KCNG2: variants seen among roughly 807,000 people sequenced by gnomAD.
KCNG2 encodes the protein voltage-gated potassium channel regulatory subunit KCNG2.
Under a neutral mutation model 12.3 loss-of-function variants are expected in KCNG2, and 7 were observed. That is an observed-to-expected ratio of 0.57 (90% CI 0.32 to 1.07). The LOEUF is 1.07. Among genes scored for constraint, KCNG2 ranks in the 50% least tolerant of loss-of-function variants. The pLI is 0.04. For missense variants in KCNG2, 703 were observed against 726.0 expected, an observed-to-expected ratio of 0.97 and a Z score of 0.36; for synonymous variants, 414 against 351.4, an observed-to-expected ratio of 1.18 and a Z score of -1.99.
At chr18:79,847,624 C>A (rs1305580918) in intron 1 of KCNG2, among the ~76,000 whole-genome samples, 3 of 152,224 alleles carry the variant, frequency 2.0e-5, no homozygotes, top group Non-Finnish European at 4.4e-5. Flanking sequence ...CTAATTTTAA[C>A]TCAGAATGGT....
chr18:79,886,996 C>T (rs1247699928), intron 3 of KCNG2, among the ~76,000 whole-genome samples: 1 of 51,790 alleles, frequency 1.9e-5, no homozygotes, highest in African/African-American at 5.6e-5. Context: ...AACATAGGGA[C>T]GTGGGGACAG....
intron 1 of KCNG2, among the ~76,000 whole-genome samples, chr18:79,818,132 G>A (rs2087543813): frequency 6.6e-6 from 1 of 152,234 alleles, no homozygotes; most frequent in Admixed American, 6.5e-5. Flanking sequence ...ACAGAGGGTG[G>A]GTGTGGTGCC....
At chr18:79,888,294 A>G (rs1980606459) in intron 3 of KCNG2, among the ~76,000 whole-genome samples, 1 of 152,162 alleles carries the variant, frequency 6.6e-6, no homozygotes, top group Non-Finnish European at 1.5e-5. Context: ...AACAGGCTGC[A>G]GACTCCTGAG....
chr18:79,833,600 G>A (rs1434693709), intron 1 of KCNG2, among the ~76,000 whole-genome samples: 1 of 152,234 alleles, frequency 6.6e-6, no homozygotes, highest in Non-Finnish European at 1.5e-5. Context: ...ATAGAACAAA[G>A]CCCAAATCTC....
chr18:79,833,774 T>C (rs1789058931), intron 1 of KCNG2, among the ~76,000 whole-genome samples: 1 of 152,214 alleles, frequency 6.6e-6, no homozygotes, highest in Non-Finnish European at 1.5e-5. Context: ...GCTGCTGTGA[T>C]GGGAAGTGTT....
intron 1 of KCNG2, among the ~76,000 whole-genome samples, chr18:79,855,932 T>A (rs530310161): frequency 1.3e-5 from 2 of 152,296 alleles, no homozygotes; most frequent in South Asian, 4.1e-4. Context: ...GATGTGAACT[T>A]TATGTCAGTT....
intron 3 of KCNG2, among the ~76,000 whole-genome samples, chr18:79,876,608 G>A (rs931649525): frequency 2.0e-5 from 3 of 152,222 alleles, no homozygotes; most frequent in Non-Finnish European, 4.4e-5. Context: ...TGCCCTCTGC[G>A]AGCAGCTTGC....
chr18:79,821,826 A>G (rs572003955), intron 1 of KCNG2, among the ~76,000 whole-genome samples: 2 of 152,360 alleles, frequency 1.3e-5, no homozygotes, highest in South Asian at 4.1e-4. Context: ...CTTGATCGCC[A>G]TAGCTTGGCA....
At chr18:79,839,504 C>T (rs945106206) in intron 1 of KCNG2, among the ~76,000 whole-genome samples, 1 of 152,176 alleles carries the variant, frequency 6.6e-6, no homozygotes, top group African/African-American at 2.4e-5. Flanking sequence ...ATACACACTA[C>T]CACAATTCAC....
chr18:79,846,942 A>G (rs1480311624), intron 1 of KCNG2, among the ~76,000 whole-genome samples: 1 of 150,312 alleles, frequency 6.7e-6, no homozygotes, highest in East Asian at 2.0e-4. Context: ...CAAGGGTCTC[A>G]TTTCCTGCAA....
At chr18:79,870,475 C>G (rs1373305943) in intron 3 of KCNG2, among the ~76,000 whole-genome samples, 1 of 152,006 alleles carries the variant, frequency 6.6e-6, no homozygotes, top group East Asian at 1.9e-4. Context: ...TTTCCGTGCC[C>G]CCAGAGCTGC....
At chr18:79,801,206 T>C (rs2087407233) in intron 1 of KCNG2, among the ~76,000 whole-genome samples, 1 of 152,236 alleles carries the variant, frequency 6.6e-6, no homozygotes, top group Non-Finnish European at 1.5e-5. Context: ...AGTATTTTAA[T>C]TTGATTATGA....
At position 79,899,535 on chromosome 18, in the gene KCNG2, G is replaced by A. The variant is rs906054396; in HGVS notation, c.1120G>A (p.Asp374Asn). Reference sequence around the variant, plus strand: ...CTCCATGACCACCGTGGGCTACGGCGACATGGTCCCGCGCAGCCTGCCCGG... The same window carrying A: ...CTCCATGACCACCGTGGGCTACGGCAACATGGTCCCGCGCAGCCTGCCCGG... ...VISMTTVGYG[D>N]MVPRSLPGQV... is the part of the protein sequence containing the mutation. Residue 374 changes from aspartate to asparagine, a missense_variant, in exon 4 of 4, where the codon GAC becomes AAC. Transcript: ENST00000316249. The A allele has an allele frequency of 1.9e-6, 3 of 1,606,296 alleles. No individual in the cohort carries two copies. The highest frequency in any genetic ancestry group is 2.5e-6 in the Non-Finnish European group (3 of 1,177,164).
chr18:79,814,541 T>G (rs2087514534), intron 1 of KCNG2, among the ~76,000 whole-genome samples: 1 of 152,164 alleles, frequency 6.6e-6, no homozygotes, highest in South Asian at 2.1e-4. Flanking sequence ...AAGGACAAGC[T>G]TATAGAGATG....
At chr18:79,896,908 A>G (rs1980996073) in intron 3 of KCNG2, among the ~76,000 whole-genome samples, 1 of 152,172 alleles carries the variant, frequency 6.6e-6, no homozygotes, top group Admixed American at 6.5e-5. Context: ...GTGCTATCCC[A>G]CTGCCTTATG....
chr18:79,899,448 C>G lies in KCNG2; in HGVS notation c.1033C>G (p.Arg345Gly), dbSNP rs945606409. 2 of 1,598,102 alleles carry G rather than the reference C, an allele frequency of 1.3e-6. No individual in the cohort carries two copies. The highest frequency in any genetic ancestry group is 2.7e-5 in the African/African-American group (2 of 73,648). ...CGCGCCACTGGTGCACCTGGCCGAG[C>G]GCGAGCTGGGCGCGCGCCGCGACTT... Reference protein sequence around the residue: ...LFAPLVHLAERELGARRDFSS... With the variant: ...LFAPLVHLAEGELGARRDFSS... The change falls in exon 4 of 4, where the codon CGC becomes GGC. Residue 345 changes from arginine (R) to glycine (G), a missense_variant. Transcript: ENST00000316249.
chr18:79,850,850 T>C (rs1354919814), intron 1 of KCNG2, among the ~76,000 whole-genome samples: 1 of 152,158 alleles, frequency 6.6e-6, no homozygotes, highest in Non-Finnish European at 1.5e-5. Flanking sequence ...CAAACGCACG[T>C]TGCTTTTGTA....
At chr18:79,817,026 TCACGC>T (rs2087534233) in intron 1 of KCNG2, among the ~76,000 whole-genome samples, 1 of 151,344 alleles carries the variant, frequency 6.6e-6, no homozygotes, top group Non-Finnish European at 1.5e-5. Context: ...CACACGGTTG[TCACGC>T]AGCTGCCACA....
At chr18:79,887,517 G>T (rs1163943345) in intron 3 of KCNG2, among the ~76,000 whole-genome samples, 1 of 152,130 alleles carries the variant, frequency 6.6e-6, no homozygotes. Context: ...AGACGTGGGA[G>T]GGAGGACTCA....
Sources: allele counts gnomAD v4.1 joint callset (sites outside exome capture counted in the v4.1 genomes callset), GRCh38; gene constraint gnomAD v4.1.1; transcripts MANE v1.5; gene names NCBI Gene and HGNC (gene_info 2026-07-23, HGNC 2026-07-21).